The following DRC1 variants were observed in gnomAD, a reference collection of about 807,000 sequenced individuals.
The protein encoded by DRC1 is dynein regulatory complex subunit 1.
DRC1 carries 74 observed loss-of-function variants against 98.7 expected under a neutral mutation model. The observed-to-expected ratio is 0.75, with a 90% confidence interval of 0.62 to 0.91. The LOEUF is 0.91. Ranked by LOEUF, DRC1 falls within the 40% of genes least tolerant of loss-of-function variation. DRC1 has a pLI of 0.00. For synonymous variants in DRC1, 336 were observed against 334.1 expected, an observed-to-expected ratio of 1.01 and a Z score of -0.06; for missense variants, 875 against 886.0, an observed-to-expected ratio of 0.99 and a Z score of 0.16.
rs539969329 is a variant in DRC1 at position 26,454,199 on chromosome 2, A to G, written c.1920-448A>G. Among the ~76,000 whole-genome samples, 21 of 152,292 alleles carry G rather than the reference A, an allele frequency of 1.4e-4. No homozygotes were observed. Among genetic ancestry groups the G allele is most frequent in the Non-Finnish European group, 2.6e-4 (18 of 68,028 alleles). ...AGAGCCATGATTAGCCTTGCGTTTT[A>G]GAGAGATCATTGTGGCGTCAGGGAA... On this transcript the variant is annotated intron_variant, in intron 14 of 16. Coordinates refer to ENST00000288710, the MANE Select transcript of DRC1 (RefSeq NM_145038.5). The surrounding 1 kb of genome is among the most constrained non-coding windows in gnomAD (Gnocchi z 5.2).
chr2:26,455,196 A>C lies in DRC1; in HGVS notation c.2129A>C (p.Glu710Ala). 3.1e-6 allele frequency: 5 copies of C among 1,613,970 alleles called. No individual in the cohort carries two copies. Among genetic ancestry groups the C allele is most frequent in the Non-Finnish European group, 4.2e-6 (5 of 1,180,016 alleles). ...AGTTCTCTGGAGCAGCAGAACACAG[A>C]GCTGCAGGCGCTACTGCAGCAGTAT... ...ENSSLEQQNT[E>A]LQALLQQYLN... The change falls in exon 16 of 17, where the codon GAG (glutamate) becomes GCG (alanine). Residue 710 changes from glutamate (E) to alanine (A), a missense_variant. Physicochemically the swap from Glu to Ala is moderately radical, Grantham distance 107 (BLOSUM62 -1). Coordinates refer to ENST00000288710, the MANE Select transcript of DRC1 (RefSeq NM_145038.5).
chr2:26,434,090 A>T (rs1663505438), intron 7 of DRC1, among the ~76,000 whole-genome samples: 2 of 152,264 alleles, frequency 1.3e-5, no homozygotes, highest in African/African-American at 4.8e-5. Context: ...GCTCAACATC[A>T]AATTTGCTCT....
intron 10 of DRC1, among the ~76,000 whole-genome samples, chr2:26,447,339 G>T (rs896731517): frequency 2.6e-5 from 4 of 152,092 alleles, no homozygotes; most frequent in African/African-American, 9.6e-5. Flanking sequence ...CTTGAACCCG[G>T]GAGGTGGAGG....
chr2:26,418,636 AATT>A (rs1678918346), intron 2 of DRC1, among the ~76,000 whole-genome samples: 2 of 90,752 alleles, frequency 2.2e-5, no homozygotes, highest in African/African-American at 9.0e-5. Context: ...AATTATATAT[AATT>A]TATATAATAT....
At chr2:26,431,844 G>T (rs769881446) in intron 6 of DRC1, 40 bp from the exon 7 acceptor site, 3 of 1,610,904 alleles carry the variant, frequency 1.9e-6, no homozygotes, top group Non-Finnish European at 8.5e-7. Flanking sequence ...GTGGGGCAAG[G>T]ATGGTCCCTA....
intron 10 of DRC1, among the ~76,000 whole-genome samples, chr2:26,446,570 A>G (rs1343653883): frequency 1.3e-5 from 2 of 152,134 alleles, no homozygotes; most frequent in Non-Finnish European, 2.9e-5. Flanking sequence ...TTTTTATTTA[A>G]CAGTATCAAA....
In DRC1 at chr2:26,411,438, G is replaced by A. The variant is rs1282961698; in HGVS notation, c.156-2906G>A. On this transcript the variant is annotated intron_variant, in intron 1 of 16. Coordinates refer to ENST00000288710, the MANE Select transcript of DRC1 (RefSeq NM_145038.5). Reference sequence around the variant, plus strand: ...CTAGAGTGTATTTTACACTCATAGCGCATTTCAATTTGCACCAGGCACATT... The same window carrying A: ...CTAGAGTGTATTTTACACTCATAGCACATTTCAATTTGCACCAGGCACATT... 4.6e-5 allele frequency among the ~76,000 whole-genome samples: 7 copies of A among 152,192 alleles called. No individual in the cohort carries two copies. The South Asian group carries it at 8.3e-4, about 18-fold the overall frequency.
At chr2:26,407,716 C>G (rs1403684320) in intron 1 of DRC1, among the ~76,000 whole-genome samples, 1 of 152,180 alleles carries the variant, frequency 6.6e-6, no homozygotes, top group East Asian at 1.9e-4. Context: ...ACAGAGACCT[C>G]TTCCTGGACG....
intron 4 of DRC1, among the ~76,000 whole-genome samples, chr2:26,425,048 A>G (rs902554844): frequency 6.6e-6 from 1 of 152,212 alleles, no homozygotes; most frequent in African/African-American, 2.4e-5. Context: ...ATCTTGCAGC[A>G]TGGAAATTCT....
rs1328861453 is a variant in DRC1, at chr2:26,419,078, G to A, written c.244-2210G>A. 4.0e-5 allele frequency among the ~76,000 whole-genome samples: 6 copies of A among 151,344 alleles called. No homozygotes were observed. In the East Asian group the frequency reaches 7.8e-4, roughly 20 times the overall value. On this transcript the variant is annotated intron_variant, in intron 2 of 16. Coordinates refer to ENST00000288710, the MANE Select transcript of DRC1 (RefSeq NM_145038.5). ...TAAGTTTTATATTTTTAGTAGAGAC[G>A]GGGTTTCACCATGTTGTTCAGGCTG...
chr2:26,434,255 C>T (rs1428629574), intron 7 of DRC1, among the ~76,000 whole-genome samples: 1 of 152,116 alleles, frequency 6.6e-6, no homozygotes, highest in African/African-American at 2.4e-5. Flanking sequence ...GTGCTTACTG[C>T]CAGTAAAGGT....
chr2:26,424,500 G>A, intron 4 of DRC1, 46 bp downstream of exon 4: 1 of 1,549,828 alleles, frequency 6.5e-7, no homozygotes, highest in Non-Finnish European at 8.7e-7. Context: ...GATCTGCCTG[G>A]GATTTAGCTG....
Position 26,454,621 on chromosome 2 carries a change from A to G in DRC1, c.1920-26A>G. On this transcript the variant is annotated intron_variant, in intron 14 of 16. Coordinates refer to ENST00000288710, the MANE Select transcript of DRC1 (RefSeq NM_145038.5). The surrounding 1 kb of genome is among the most constrained non-coding windows in gnomAD (Gnocchi z 5.2). ...GCCTGGGTAGTACCCAATGGACATGACAATCACTGTGCTCTTGGCCTTCAG... is the reference window on the plus strand; with the variant it reads ...GCCTGGGTAGTACCCAATGGACATGGCAATCACTGTGCTCTTGGCCTTCAG... 1 of 1,613,026 alleles carries G rather than the reference A, an allele frequency of 6.2e-7. No homozygotes were observed. Among genetic ancestry groups the G allele is most frequent in the Non-Finnish European group, 8.5e-7 (1 of 1,179,414 alleles).
chr2:26,454,927 T>G lies in DRC1; in HGVS notation c.2063+137T>G. On this transcript the variant is annotated intron_variant, in intron 15 of 16. Transcript: ENST00000288710. This position sits in a 1 kb window ranked among gnomAD's most constrained non-coding sequence, Gnocchi z 5.2. ...CTGCCCTTGGCATCTCCTGTGTGGG[T>G]GGATCATGTGGGGCAGTTGGCTCTT... The G allele has an allele frequency of 1.4e-6, 2 of 1,464,778 alleles. No individual in the cohort carries two copies. The highest frequency in any genetic ancestry group is 9.4e-7 in the Non-Finnish European group (1 of 1,067,852). The allele number at this position is 1,464,778 out of a possible 1,614,324, so 90.7% of individuals were successfully genotyped here. A position where few individuals can be genotyped will look rare whatever the true frequency, so the allele number is the denominator to read the frequency against.
At chr2:26,422,853 G>T (rs1663180765) in intron 3 of DRC1, among the ~76,000 whole-genome samples, 1 of 151,660 alleles carries the variant, frequency 6.6e-6, no homozygotes, top group East Asian at 1.9e-4. Context: ...CCAGGAGGTG[G>T]ACGTTGTAGT....
intron 11 of DRC1, 103 bp downstream of exon 11, chr2:26,448,906 C>A: frequency 8.5e-7 from 1 of 1,182,182 alleles, no homozygotes; most frequent in Non-Finnish European, 1.2e-6. Context: ...TGGGCCAGTC[C>A]TCCCCTGGCC....
intron 11 of DRC1, among the ~76,000 whole-genome samples, chr2:26,449,216 A>G (rs1223525264): frequency 6.6e-6 from 1 of 152,234 alleles, no homozygotes; most frequent in African/African-American, 2.4e-5. Context: ...TGGGATTTGG[A>G]TGTCTGCATT....
At chr2:26,445,615 T>A (rs1663830584) in intron 10 of DRC1, among the ~76,000 whole-genome samples, 1 of 152,202 alleles carries the variant, frequency 6.6e-6, no homozygotes, top group African/African-American at 2.4e-5. Flanking sequence ...AATCTTCATA[T>A]TGGCTTCTGG....
chr2:26,404,247 A>G (rs1316688760), intron 1 of DRC1, among the ~76,000 whole-genome samples: 3 of 152,202 alleles, frequency 2.0e-5, no homozygotes, highest in African/African-American at 7.2e-5. Context: ...TGTCCCTGAT[A>G]TATTCAGAAT....
Sources: gnomAD v4.1 joint callset for allele counts (sites outside exome capture counted in the v4.1 genomes callset) on GRCh38, gnomAD v4.1.1 for gene constraint, Gnocchi (gnomAD v3.1) non-coding constraint, MANE v1.5 for transcripts, NCBI Gene and HGNC (gene_info 2026-07-23, HGNC 2026-07-21) for gene names.